PATJ: variants seen among roughly 807,000 people sequenced by gnomAD.
The protein encoded by PATJ is PATJ crumbs cell polarity complex component.
In PATJ, 190 loss-of-function variants were observed where a neutral mutation model predicts 224.9. The observed-to-expected ratio is 0.84, with a 90% CI of 0.75 to 0.95. The LOEUF (loss-of-function observed/expected upper bound fraction) is 0.95, where lower values mean the gene tolerates loss of function less well. Among genes scored for constraint, PATJ ranks in the 40% least tolerant of loss-of-function variants. The pLI is 0.00. For synonymous variants in PATJ, 769 were observed against 820.3 expected (o/e 0.94, Z 1.07); for missense variants, 2,121 against 2,270.3 (o/e 0.93, Z 1.34).
chr1:61,745,864 A>C (rs561285901), intron 1 of PATJ, among the ~76,000 whole-genome samples: 4 of 152,046 alleles, frequency 2.6e-5, no homozygotes, highest in Non-Finnish European at 5.9e-5. Flanking sequence ...TTGGACTCCC[A>C]AAGTGCTGGG....
At chr1:61,964,333 C>T (rs977751263) in intron 27 of PATJ, among the ~76,000 whole-genome samples, 1 of 152,064 alleles carries the variant, frequency 6.6e-6, no homozygotes. Flanking sequence ...CCTCCCACCT[C>T]AGCCTCCCAA....
intron 39 of PATJ, among the ~76,000 whole-genome samples, chr1:62,125,270 A>AGAAAAAAAAAAAAAAAAAAAAT (rs1665601946): frequency 6.7e-6 from 1 of 148,956 alleles, no homozygotes; most frequent in Non-Finnish European, 1.5e-5. Flanking sequence ...AAAACAAAAA[A>AGAAAAAAAAAAAAAAAAAAAAT]AAAACGCCAT....
At chr1:62,108,374 T>G (rs1663368261) in intron 33 of PATJ, 63 bp from the exon 34 acceptor site, 1 of 905,506 alleles carries the variant, frequency 1.1e-6, no homozygotes, top group Non-Finnish European at 1.7e-6. Flanking sequence ...TGCTGCCTAT[T>G]GGTTGTTTGC....
At chr1:61,795,835 G>A (rs1261978463) in intron 10 of PATJ, among the ~76,000 whole-genome samples, 7 of 151,946 alleles carry the variant, frequency 4.6e-5, no homozygotes, top group Non-Finnish European at 8.8e-5. Context: ...CATTATCCTA[G>A]AAAACCCTGC....
Position 62,146,633 on chromosome 1 carries a change from C to G in PATJ, c.5272-1651C>G, listed in dbSNP as rs77251636. On this transcript the variant is annotated intron_variant, in intron 41 of 43. Coordinates refer to ENST00000642238, the MANE Select transcript of PATJ (RefSeq NM_001350145.3). ...TCTACTAAAATACAAAAAAATTAGC[C>G]AGGCGTGGTGGCGGGTGCCTGTAAT... Among the ~76,000 whole-genome samples, 519 of 151,998 alleles carry G rather than the reference C, an allele frequency of 3.4e-3. 22 individuals are homozygous for G. The East Asian group carries it at 0.087, about 25-fold the overall frequency.
At chr1:61,986,785 A>G (rs1221431339) in intron 27 of PATJ, among the ~76,000 whole-genome samples, 1 of 152,132 alleles carries the variant, frequency 6.6e-6, no homozygotes, top group East Asian at 1.9e-4. Context: ...TCTAAGAAGT[A>G]GGTTTTAATT....
At chr1:62,024,145 T>C in intron 29 of PATJ, among the ~76,000 whole-genome samples, 1 of 152,210 alleles carries the variant, frequency 6.6e-6, no homozygotes, top group East Asian at 1.9e-4. Context: ...TGAGGGATAC[T>C]GGCCTGAAGT....
intron 26 of PATJ, among the ~76,000 whole-genome samples, chr1:61,917,219 A>G (rs1175307062): frequency 1.3e-5 from 2 of 152,168 alleles, no homozygotes; most frequent in Non-Finnish European, 2.9e-5. Flanking sequence ...AATTCCTCCT[A>G]TGGTCAGCTT....
At position 62,117,135 on chromosome 1, in the gene PATJ, G is replaced by A; in HGVS notation, c.4807G>A (p.Ala1603Thr). 1 of 1,613,470 alleles carries A rather than the reference G, an allele frequency of 6.2e-7. No individual in the cohort carries two copies. Among genetic ancestry groups the A allele is most frequent in the Non-Finnish European group, 8.5e-7 (1 of 1,179,572 alleles). The change falls in exon 37 of 44, where the codon GCA becomes ACA. Residue 1603 changes from alanine to threonine, a missense_variant. Coordinates refer to ENST00000642238, the MANE Select transcript of PATJ (RefSeq NM_001350145.3). Reference protein sequence around the residue: ...QETVATILKCAQGLVQLEIGR... With the variant: ...QETVATILKCTQGLVQLEIGR... ...GTTCTTTTCTTGCCTTTCCAAGTGT[G>A]CACAGGGACTTGTGCAGCTAGAGAT...
At chr1:61,805,825 A>C (rs976830062) in intron 13 of PATJ, among the ~76,000 whole-genome samples, 2 of 152,182 alleles carry the variant, frequency 1.3e-5, no homozygotes, top group Non-Finnish European at 2.9e-5. Flanking sequence ...CTTGCCTTTA[A>C]ATTTATAACC....
intron 24 of PATJ, among the ~76,000 whole-genome samples, chr1:61,904,761 C>T (rs1055688278): frequency 5.3e-5 from 8 of 152,222 alleles, no homozygotes; most frequent in Non-Finnish European, 8.8e-5. Flanking sequence ...CCCTTTCTCT[C>T]CCATCCCTAA....
At chr1:61,843,737 G>T (rs1457382163) in intron 17 of PATJ, among the ~76,000 whole-genome samples, 2 of 146,000 alleles carry the variant, frequency 1.4e-5, no homozygotes, top group Non-Finnish European at 3.0e-5. Flanking sequence ...AAAAAAAAAT[G>T]CATATAAATG....
Position 62,114,206 on chromosome 1 carries a change from A to C in PATJ, c.4615A>C (p.Lys1539Gln), listed in dbSNP as rs1458195096. The change falls in exon 35 of 44, where the codon AAA (lysine) becomes CAA (glutamine). Residue 1539 changes from lysine to glutamine, a missense_variant. Physicochemically the swap from Lys to Gln is moderately conservative, Grantham distance 53. Transcript: ENST00000642238. Reference sequence around the variant, plus strand: ...GATTTTCCCTGTGGATCTGCAGAAGAAAGCTGGCCGGGGCCTGGGCCTGAG... The same window carrying C: ...GATTTTCCCTGTGGATCTGCAGAAGCAAGCTGGCCGGGGCCTGGGCCTGAG... ...LEIFPVDLQK[K>Q]AGRGLGLSIV... 1 of 1,614,036 alleles carries C rather than the reference A, an allele frequency of 6.2e-7. No individual in the cohort carries two copies. Among genetic ancestry groups the C allele is most frequent in the African/African-American group, 1.3e-5 (1 of 74,920 alleles).
intron 28 of PATJ, among the ~76,000 whole-genome samples, chr1:61,994,976 T>G (rs1645273252): frequency 6.6e-6 from 1 of 152,210 alleles, no homozygotes; most frequent in Non-Finnish European, 1.5e-5. Context: ...TCAGAAAAAT[T>G]TGCAATTATT....
chr1:62,140,112 G>C (rs1667348207), intron 41 of PATJ, among the ~76,000 whole-genome samples: 2 of 152,084 alleles, frequency 1.3e-5, no homozygotes, highest in South Asian at 4.1e-4. Context: ...TCCTGCAAAA[G>C]ACCAAGCTGT....
rs536203686 is a variant in PATJ, at chr1:61,840,805, G to A, written c.2112+7020G>A. Among the ~76,000 whole-genome samples, 11 of 152,146 alleles carry A rather than the reference G, an allele frequency of 7.2e-5. 1 individual carries two copies. Among genetic ancestry groups the A allele is most frequent in the African/African-American group, 2.6e-4 (11 of 41,542 alleles). On this transcript the variant is annotated intron_variant, in intron 17 of 43. Coordinates refer to ENST00000642238, the MANE Select transcript of PATJ (RefSeq NM_001350145.3). ...AGAAGTGGAATTACTCATCAGAAGA[G>A]CATACTGTATCTTTTAAATTTTGGT...
Position 62,134,838 on chromosome 1 carries a change from T to C in PATJ, c.5271+5893T>C, listed in dbSNP as rs1019749293. On this transcript the variant is annotated intron_variant, in intron 41 of 43. Transcript: ENST00000642238. ...TGCCCACATGGAGTTGCTGAGCCAT[T>C]CCAATCAAGCTGAAGGACATGAACT... 5.3e-5 allele frequency among the ~76,000 whole-genome samples: 8 copies of C among 151,970 alleles called. No homozygotes were observed. The East Asian group carries it at 1.4e-3, about 26-fold the overall frequency.
Position 62,072,921 on chromosome 1 carries a change from G to A in PATJ, c.4126-6529G>A, listed in dbSNP as rs185128234. 1.5e-5 allele frequency: 7 copies of A among 466,770 alleles called. No individual in the cohort carries two copies. In the Admixed American group the frequency reaches 3.8e-4, roughly 26 times the overall value. The allele number at this position is 466,770 out of a possible 1,614,324, so 28.9% of individuals were successfully genotyped here. A position where few individuals can be genotyped will look rare whatever the true frequency, so the allele number is the denominator to read the frequency against. Reference sequence around the variant, plus strand: ...TTTGCCCAGTGTTTTGGTCATTTTTGTAGTAGACTGAAGCCCAATTAAATG... The same window carrying A: ...TTTGCCCAGTGTTTTGGTCATTTTTATAGTAGACTGAAGCCCAATTAAATG... On this transcript the variant is annotated intron_variant, in intron 31 of 43. Coordinates refer to ENST00000642238, the MANE Select transcript of PATJ (RefSeq NM_001350145.3).
At chr1:61,796,657 A>G (rs1356541581) in intron 10 of PATJ, among the ~76,000 whole-genome samples, 1 of 139,056 alleles carries the variant, frequency 7.2e-6, no homozygotes, top group Non-Finnish European at 1.5e-5. Flanking sequence ...GTCTAAATTT[A>G]TTTTCTTTCT....
Sources: allele counts gnomAD v4.1 joint callset (sites outside exome capture counted in the v4.1 genomes callset), GRCh38; gene constraint gnomAD v4.1.1; transcripts MANE v1.5; gene names NCBI Gene and HGNC (gene_info 2026-07-23, HGNC 2026-07-21).